Variants in PDGFRA observed in about 807,000 individuals in gnomAD.
PDGFRA encodes platelet derived growth factor receptor alpha.
Under a neutral mutation model 121.5 loss-of-function variants are expected in PDGFRA, and 25 were observed. That is an observed-to-expected ratio of 0.21 (90% CI 0.15 to 0.29). The LOEUF (loss-of-function observed/expected upper bound fraction) is 0.29. PDGFRA is among the 10% of genes least tolerant of loss of function. PDGFRA has a pLI of 1.00. For missense variants in PDGFRA, 1,008 were observed against 1,345.1 expected (o/e 0.75, Z 3.92); for synonymous variants, 463 against 494.8 (o/e 0.94, Z 0.85).
intron 14 of PDGFRA, 71 bp from the exon 15 acceptor site, chr4:54,278,291 C>G (rs2110313989): frequency 9.0e-7 from 1 of 1,109,480 alleles, no homozygotes; most frequent in Non-Finnish European, 1.3e-6. Context: ...GCCATATGGT[C>G]TGCAGGACAA....
chr4:54,261,819 G>A (rs1577706359), intron 3 of PDGFRA, among the ~76,000 whole-genome samples: 1 of 147,118 alleles, frequency 6.8e-6, no homozygotes, highest in Non-Finnish European at 1.5e-5. Context: ...ATAAACACTC[G>A]ATTTTTCAGA....
At chr4:54,229,488 G>C (rs1237712411) in intron 1 of PDGFRA, 73 bp downstream of exon 1, 1 of 386,484 alleles carries the variant, frequency 2.6e-6, no homozygotes, top group African/African-American at 2.1e-5. Flanking sequence ...TGGAGAAAGC[G>C]AAGTAACTTC....
At chr4:54,273,183 C>T (rs528825747) in intron 9 of PDGFRA, among the ~76,000 whole-genome samples, 2 of 152,186 alleles carry the variant, frequency 1.3e-5, no homozygotes, top group South Asian at 4.2e-4. Flanking sequence ...AGGGAGGGCT[C>T]CAGGCCTTTT....
chr4:54,289,169 T>C (rs887147803), intron 21 of PDGFRA, 55 bp downstream of exon 21: 16 of 988,014 alleles, frequency 1.6e-5, no homozygotes, highest in Middle Eastern at 2.1e-4. Context: ...GTTATACCAG[T>C]GAGCTGTGCT....
chr4:54,231,757 G>C (rs1720685448), intron 1 of PDGFRA, among the ~76,000 whole-genome samples: 1 of 152,266 alleles, frequency 6.6e-6, no homozygotes, highest in South Asian at 2.1e-4. Context: ...ACAAGAGTGA[G>C]GGGAAGCCAA....
At chr4:54,279,662 G>A (rs1392275131) in intron 15 of PDGFRA, among the ~76,000 whole-genome samples, 1 of 152,038 alleles carries the variant, frequency 6.6e-6, no homozygotes, top group African/African-American at 2.4e-5. Flanking sequence ...CACTGGAGCA[G>A]TATACACTGA....
Position 54,267,719 on chromosome 4 carries a change from G to T in PDGFRA, c.1099G>T (p.Val367Leu). The T allele has an allele frequency of 6.2e-7, 1 of 1,614,000 alleles. No individual in the cohort carries two copies. Among genetic ancestry groups the T allele is most frequent in the Non-Finnish European group, 8.5e-7 (1 of 1,179,920 alleles). ...AAATCTCACTGAGATCACCACTGAT[G>T]TGGAAAAGATTCAGGAAATAAGGTA... Reference protein sequence around the residue: ...IENLTEITTDVEKIQEIRYRS... With the variant: ...IENLTEITTDLEKIQEIRYRS... The change falls in exon 7 of 23, where the codon GTG (valine) becomes TTG (leucine). Residue 367 changes from valine to leucine, a missense_variant. Physicochemically the swap from Val to Leu is conservative, Grantham distance 32. Transcript: ENST00000257290.
chr4:54,260,603 T>C (rs998361495), intron 2 of PDGFRA, among the ~76,000 whole-genome samples: 5 of 151,856 alleles, frequency 3.3e-5, no homozygotes, highest in Non-Finnish European at 5.9e-5. Flanking sequence ...AGACCAGGTC[T>C]CACTACGTTG....
At position 54,255,800 on chromosome 4, in the gene PDGFRA, C is replaced by T. The variant is rs376880131; in HGVS notation, c.-12-2957C>T. Among the ~76,000 whole-genome samples the T allele has an allele frequency of 2.0e-5, 3 of 152,088 alleles. No homozygotes were observed. In the East Asian group the frequency reaches 5.8e-4, roughly 29 times the overall value. Reference sequence around the variant, plus strand: ...GATTACAGGCGTGAGCCACTGCGCCCTTCCCTCCTTTTTTTTTTAAAACAA... The same window carrying T: ...GATTACAGGCGTGAGCCACTGCGCCTTTCCCTCCTTTTTTTTTTAAAACAA... On this transcript the variant is annotated intron_variant, in intron 1 of 22. Coordinates refer to ENST00000257290, the MANE Select transcript of PDGFRA (RefSeq NM_006206.6).
chr4:54,295,900 A>T lies in PDGFRA; in HGVS notation c.*628A>T, dbSNP rs1724857591. On this transcript the variant is annotated 3_prime_UTR_variant, in exon 23 of 23. Transcript: ENST00000257290. ...ATTTGGGTCATTTAGAAGCCTGACA[A>T]CTCATTTTCATATTGTAATCTATGT... is the stretch of plus-strand genomic sequence containing the variant. 2.1e-5 allele frequency: 5 copies of T among 234,044 alleles called. No individual in the cohort carries two copies. The highest frequency in any genetic ancestry group is 6.6e-5 in the African/African-American group (3 of 45,304). 14.5% of individuals were successfully genotyped at this position (234,044 alleles called of 1,614,324 possible). A position where few individuals can be genotyped will look rare whatever the true frequency, so the allele number is the denominator to read the frequency against.
At chr4:54,277,309 C>T (rs1280667637) in intron 12 of PDGFRA, 79 bp from the exon 13 acceptor site, 12 of 945,102 alleles carry the variant, frequency 1.3e-5, no homozygotes, top group Non-Finnish European at 2.1e-5. Context: ...GCTGTCCGCC[C>T]GCAGAGAGCT....
At position 54,261,160 on chromosome 4, in the gene PDGFRA, G is replaced by A. The variant is rs1553902356; in HGVS notation, c.115G>A (p.Val39Met). Residue 39 changes from valine (V) to methionine (M), a missense_variant, in exon 3 of 23, where the codon GTG becomes ATG. Physicochemically the swap from Val to Met is conservative, Grantham distance 21. This residue lies in a region of PDGFRA where 575 missense variants were observed against 701.8 expected (regional missense o/e 0.82). Transcript: ENST00000257290. ...CCTTCCAAATGAAAATGAAAAGGTT[G>A]TGCAGCTGAATTCATCCTTTTCTCT... ...SILPNENEKV[V>M]QLNSSFSLRC... 6.2e-7 allele frequency: 1 copy of A among 1,614,020 alleles called. No individual in the cohort carries two copies. The highest frequency in any genetic ancestry group is 1.7e-5 in the Admixed American group (1 of 59,990).
rs756002020 is a variant in PDGFRA, at chr4:54,278,358, A to G, written c.2003-4A>G. The G allele has an allele frequency of 1.5e-5, 24 of 1,612,344 alleles. No individual in the cohort carries two copies. In the South Asian group the frequency reaches 1.6e-4, roughly 11 times the overall value. On this transcript the variant is annotated splice_polypyrimidine_tract_variant and splice_region_variant and intron_variant, in intron 14 of 22. Coordinates refer to ENST00000257290, the MANE Select transcript of PDGFRA (RefSeq NM_006206.6). ...CCATCTCCTAACGGCTTTTGTCCCC[A>G]TAGGCCCCATTTACATCATCACAGA...
intron 1 of PDGFRA, among the ~76,000 whole-genome samples, chr4:54,256,666 T>C (rs944636921): frequency 6.6e-6 from 1 of 151,892 alleles, no homozygotes; most frequent in East Asian, 1.9e-4. Flanking sequence ...TTACAAATGA[T>C]TTTTAAAAAA....
In PDGFRA at chr4:54,261,247, G is replaced by A. The variant is rs1060501504; in HGVS notation, c.202G>A (p.Asp68Asn). The change falls in exon 3 of 23, where the codon GAT (aspartate) becomes AAT (asparagine). Residue 68 changes from aspartate to asparagine, a missense_variant. Physicochemically the swap from Asp to Asn is conservative, Grantham distance 23. Coordinates refer to ENST00000257290, the MANE Select transcript of PDGFRA (RefSeq NM_006206.6). ...CCCCATGTCTGAAGAAGAGAGCTCC[G>A]ATGTGGAAATCAGAAATGAAGAAAA... ...QYPMSEEESS[D>N]VEIRNEENNS... is the part of the protein sequence containing the mutation. 12 of 1,614,022 alleles carry A rather than the reference G, an allele frequency of 7.4e-6. No individual in the cohort carries two copies. Among genetic ancestry groups the A allele is most frequent in the East Asian group, 6.7e-5 (3 of 44,884 alleles).
At chr4:54,231,939 C>G (rs1329537543) in intron 1 of PDGFRA, among the ~76,000 whole-genome samples, 2 of 152,246 alleles carry the variant, frequency 1.3e-5, no homozygotes, top group African/African-American at 4.8e-5. Context: ...GGCTTTCCAG[C>G]TGCAAACACG....
intron 12 of PDGFRA, among the ~76,000 whole-genome samples, chr4:54,276,077 G>A (rs1440126625): frequency 3.3e-5 from 5 of 152,196 alleles, no homozygotes; most frequent in East Asian, 1.9e-4. Flanking sequence ...CCTGTATTTC[G>A]ATGCACCAGC....
At chr4:54,230,313 T>A (rs1307586184) in intron 1 of PDGFRA, 3 of 152,052 alleles carry the variant, frequency 2.0e-5, no homozygotes. Flanking sequence ...TCTGGAATAA[T>A]GACAAACACA....
chr4:54,232,802 C>G (rs578157258), intron 1 of PDGFRA, among the ~76,000 whole-genome samples: 1 of 152,212 alleles, frequency 6.6e-6, no homozygotes, highest in African/African-American at 2.4e-5. Context: ...CCATGCTGGT[C>G]TCGAACTCCT....
Sources: gnomAD v4.1 joint callset for allele counts (sites outside exome capture counted in the v4.1 genomes callset) on GRCh38, gnomAD v4.1.1 for gene constraint, gnomAD v4.1.1 regional missense constraint, MANE v1.5 for transcripts, NCBI Gene and HGNC (gene_info 2026-07-23, HGNC 2026-07-21) for gene names.